Variants in OR1J2 observed in about 807,000 individuals in gnomAD.
OR1J2 encodes olfactory receptor family 1 subfamily J member 2.
For missense variants in OR1J2, 304 were observed against 246.1 expected (o/e 1.24, Z -1.57); for synonymous variants, 142 against 99.7 (o/e 1.42, Z -2.52).
the OR1J2 span, chr9:122,567,905 A>C: frequency 0.34 from 550,310 of 1,613,168 alleles, 102,549 homozygotes; most frequent in East Asian, 0.83. Context: ...CAAATATGGA[A>C]GAGCAGGACA....
chr9:122,478,694 T>A, the OR1J2 span, among the ~76,000 whole-genome samples: 1 of 152,192 alleles, frequency 6.6e-6, no homozygotes, highest in African/African-American at 2.4e-5. Flanking sequence ...AAAGTCCAGG[T>A]AAATAAATCA....
the OR1J2 span, among the ~76,000 whole-genome samples, chr9:122,499,017 T>A: frequency 6.6e-6 from 1 of 152,146 alleles, no homozygotes; most frequent in Non-Finnish European, 1.5e-5. Context: ...GCCAACAAGG[T>A]TGGGTCTGTA....
the OR1J2 span, among the ~76,000 whole-genome samples, chr9:122,533,317 C>T: frequency 3.9e-5 from 6 of 152,240 alleles, no homozygotes; most frequent in Admixed American, 3.9e-4. Flanking sequence ...CTTTAAAAGG[C>T]CATGCTGTAA....
chr9:122,516,393 T>A (rs1225416626), downstream of OR1J2, among the ~76,000 whole-genome samples: 2 of 136,750 alleles, frequency 1.5e-5, no homozygotes, highest in African/African-American at 5.5e-5. Context: ...AAGCTCCGCC[T>A]CCCGGGTTCA....
chr9:122,544,811 A>G, the OR1J2 span, among the ~76,000 whole-genome samples: 1 of 152,104 alleles, frequency 6.6e-6, no homozygotes, highest in African/African-American at 2.4e-5. Flanking sequence ...CAAAAGGCCA[A>G]CTTTGGCTTT....
chr9:122,557,339 TATG>T, the OR1J2 span, among the ~76,000 whole-genome samples: 1 of 152,142 alleles, frequency 6.6e-6, no homozygotes, highest in Non-Finnish European at 1.5e-5. Context: ...CATCATTAAG[TATG>T]ATATTAACTG....
chr9:122,483,032 G>C, the OR1J2 span, among the ~76,000 whole-genome samples: 2 of 152,152 alleles, frequency 1.3e-5, no homozygotes, highest in East Asian at 1.9e-4. Context: ...ACTAAGAAAT[G>C]ATAAATGAAT....
At chr9:122,574,700 C>T in the OR1J2 span, among the ~76,000 whole-genome samples, 1 of 152,022 alleles carries the variant, frequency 6.6e-6, no homozygotes, top group East Asian at 1.9e-4. Flanking sequence ...TGTCTTATTG[C>T]ATTAGGTAGG....
the OR1J2 span, chr9:122,568,194 T>C: frequency 6.2e-7 from 1 of 1,614,164 alleles, no homozygotes. Context: ...ACACCCAGCA[T>C]AGGAGATGGT....
chr9:122,462,223 T>G, the OR1J2 span, among the ~76,000 whole-genome samples: 1 of 152,186 alleles, frequency 6.6e-6, no homozygotes, highest in African/African-American at 2.4e-5. Flanking sequence ...TTATTTGACA[T>G]AAAAATAACT....
chr9:122,516,116 A>G (rs1315529046), downstream of OR1J2, among the ~76,000 whole-genome samples: 1 of 152,096 alleles, frequency 6.6e-6, no homozygotes, highest in Non-Finnish European at 1.5e-5. Context: ...TAAGATGTGC[A>G]CTACCTTGCC....
the OR1J2 span, among the ~76,000 whole-genome samples, chr9:122,552,749 A>AGTGAGT: frequency 3.1e-5 from 4 of 129,662 alleles, no homozygotes; most frequent in African/African-American, 1.2e-4. Context: ...AGAGGGCTTG[A>AGTGAGT]GTGTGTGTGT....
At chr9:122,577,869 G>A in the OR1J2 span, among the ~76,000 whole-genome samples, 1 of 149,874 alleles carries the variant, frequency 6.7e-6, no homozygotes, top group African/African-American at 2.4e-5. Flanking sequence ...CATATCATCA[G>A]TACCAAATAT....
At chr9:122,553,628 G>A in the OR1J2 span, 1 of 1,614,068 alleles carries the variant, frequency 6.2e-7, no homozygotes, top group Non-Finnish European at 8.5e-7. Flanking sequence ...GCACATCTAT[G>A]AGTCCCCAGC....
At chr9:122,533,440 T>C in the OR1J2 span, among the ~76,000 whole-genome samples, 1 of 151,940 alleles carries the variant, frequency 6.6e-6, no homozygotes, top group African/African-American at 2.4e-5. Flanking sequence ...TGGTGCATGA[T>C]CGGTTGCTAA....
At chr9:122,508,200 G>A (rs1370287114), upstream of OR1J2, among the ~76,000 whole-genome samples, 1 of 151,142 alleles carries the variant, frequency 6.6e-6, no homozygotes, top group Admixed American at 6.6e-5. Context: ...GAAGAAGAAG[G>A]AGGAGAAGGA....
upstream of OR1J2, chr9:122,510,711 G>T: frequency 1.3e-6 from 1 of 794,588 alleles, no homozygotes; most frequent in Non-Finnish European, 2.1e-6. Flanking sequence ...ATGTTAAAAC[G>T]TACATCTTTT....
At chr9:122,468,258 A>G in the OR1J2 span, among the ~76,000 whole-genome samples, 2 of 152,230 alleles carry the variant, frequency 1.3e-5, no homozygotes, top group African/African-American at 4.8e-5. Context: ...ATTTCAGAGA[A>G]TGAATTACAT....
At chr9:122,466,286 A>T in the OR1J2 span, among the ~76,000 whole-genome samples, 234 of 152,320 alleles carry the variant, frequency 1.5e-3, 1 homozygote, top group Middle Eastern at 3.4e-3. Flanking sequence ...GAAACCTGAG[A>T]TGAATAAAAT....
Sources: allele counts gnomAD v4.1 joint callset (sites outside exome capture counted in the v4.1 genomes callset), GRCh38; gene constraint gnomAD v4.1.1; transcripts MANE v1.5; gene names NCBI Gene and HGNC (gene_info 2026-07-23, HGNC 2026-07-21).